Variants in DOCK2 observed in about 807,000 individuals in gnomAD.
DOCK2 encodes dedicator of cytokinesis 2.
A neutral mutation model predicts 248.9 loss-of-function variants in DOCK2; 87 were observed. The observed-to-expected ratio is 0.35, with a 90% confidence interval of 0.29 to 0.42. The LOEUF is 0.42. Ranked by LOEUF, DOCK2 falls within the 10% of genes least tolerant of loss-of-function variation. The pLI is 1.00. For missense variants in DOCK2, 1,747 were observed against 2,300.2 expected (o/e 0.76, Z 4.92); for synonymous variants, 805 against 821.6 (o/e 0.98, Z 0.35).
Position 170,077,815 on chromosome 5 carries a change from C to A in DOCK2, c.4972C>A (p.Pro1658Thr). The A allele has an allele frequency of 6.2e-7, 1 of 1,613,530 alleles. No individual in the cohort carries two copies. Among genetic ancestry groups the A allele is most frequent in the Non-Finnish European group, 8.5e-7 (1 of 1,179,948 alleles). The stretch of plus-strand genomic sequence containing the variant: ...TTCCATGAATTCTGACTGCAGCACC[C>A]CCAGCAAGCCTACCTCAGAGAGGTC... Reference protein sequence around the residue: ...LASMNSDCSTPSKPTSESFDL... With the variant: ...LASMNSDCSTTSKPTSESFDL... Residue 1658 changes from proline (P) to threonine (T), a missense_variant, in exon 48 of 52, where the codon CCC (proline) becomes ACC (threonine). This residue lies in a region of DOCK2 where 513 missense variants were observed against 586.1 expected (regional missense o/e 0.88). Coordinates refer to ENST00000520908, the MANE Select transcript of DOCK2 (RefSeq NM_004946.3).
At chr5:170,082,405 C>G (rs1490005060) in intron 51 of DOCK2, among the ~76,000 whole-genome samples, 1 of 152,188 alleles carries the variant, frequency 6.6e-6, no homozygotes, top group Admixed American at 6.5e-5. Flanking sequence ...AAGAAGGTAC[C>G]ATAACACATC....
chr5:170,055,570 A>G (rs1024830951), intron 42 of DOCK2, among the ~76,000 whole-genome samples, 184 bp downstream of exon 42: 6 of 152,372 alleles, frequency 3.9e-5, no homozygotes, highest in African/African-American at 1.4e-4. Flanking sequence ...TGCCCCTGAC[A>G]AGGCTGAAGC....
At chr5:169,711,081 A>G (rs1761557149) in intron 15 of DOCK2, among the ~76,000 whole-genome samples, 1 of 152,234 alleles carries the variant, frequency 6.6e-6, no homozygotes, top group Non-Finnish European at 1.5e-5. Flanking sequence ...TGCCTGAAAC[A>G]TAGACAGGAT....
At chr5:169,791,476 C>T (rs1400803792) in intron 25 of DOCK2, among the ~76,000 whole-genome samples, 1 of 152,146 alleles carries the variant, frequency 6.6e-6, no homozygotes, top group Non-Finnish European at 1.5e-5. Context: ...CTTATAAAAC[C>T]ACAACAAACA....
chr5:169,776,707 G>A (rs1209550339), intron 25 of DOCK2, among the ~76,000 whole-genome samples: 3 of 152,164 alleles, frequency 2.0e-5, no homozygotes, highest in South Asian at 4.1e-4. Context: ...CATGGCAGCA[G>A]TTTTCCCCAT....
At chr5:169,736,060 G>C (rs553878952) in intron 22 of DOCK2, among the ~76,000 whole-genome samples, 4 of 152,224 alleles carry the variant, frequency 2.6e-5, no homozygotes, top group African/African-American at 9.6e-5. Context: ...ACTGTCATGA[G>C]AACAGCAAGA....
intron 1 of DOCK2, among the ~76,000 whole-genome samples, chr5:169,641,534 G>C (rs748829079): frequency 5.3e-4 from 80 of 152,218 alleles, no homozygotes; most frequent in Non-Finnish European, 8.7e-4. Flanking sequence ...CAACGAAAAT[G>C]TGTGTGGTGT....
rs1051479543 is a variant in DOCK2 at position 169,696,021 on chromosome 5, A to T, written c.979+83A>T. 4 of 1,475,630 alleles carry T rather than the reference A, an allele frequency of 2.7e-6. No homozygotes were observed. In the South Asian group the frequency reaches 5.8e-5, roughly 21 times the overall value. The allele number at this position is 1,475,630 out of a possible 1,614,324, so 91.4% of individuals were successfully genotyped here. A position where few individuals can be genotyped will look rare whatever the true frequency, so the allele number is the denominator to read the frequency against. On this transcript the variant is annotated intron_variant, in intron 10 of 51. Transcript: ENST00000520908. The stretch of plus-strand genomic sequence containing the variant: ...AATTGTAATGATGATTTGTTTCCCA[A>T]CCGCCTCCTGCTGCCCCCACCCCTG...
chr5:170,021,017 T>G (rs760241538), intron 33 of DOCK2, among the ~76,000 whole-genome samples: 2 of 152,218 alleles, frequency 1.3e-5, no homozygotes, highest in Non-Finnish European at 2.9e-5. Context: ...TAATCTCACA[T>G]GGGAGAAAGT....
At chr5:170,027,744 A>G in intron 33 of DOCK2, 119 bp from the exon 34 acceptor site, 1 of 910,912 alleles carries the variant, frequency 1.1e-6, no homozygotes, top group Non-Finnish European at 1.7e-6. Context: ...CCCAGATCCC[A>G]GCACTCAACC....
At chr5:170,063,270 G>A (rs1757391819) in intron 44 of DOCK2, among the ~76,000 whole-genome samples, 1 of 152,128 alleles carries the variant, frequency 6.6e-6, no homozygotes, top group Admixed American at 6.5e-5. Flanking sequence ...TGCATTGAAT[G>A]TCCCAACTTT....
chr5:169,773,439 A>G (rs1298974369), intron 25 of DOCK2, among the ~76,000 whole-genome samples: 1 of 131,002 alleles, frequency 7.6e-6, no homozygotes, highest in Non-Finnish European at 1.7e-5. Context: ...AATAAACTCA[A>G]TAAACTCTTC....
At chr5:169,705,409 G>T (rs534932443) in intron 14 of DOCK2, among the ~76,000 whole-genome samples, 1 of 152,292 alleles carries the variant, frequency 6.6e-6, no homozygotes, top group East Asian at 1.9e-4. Flanking sequence ...GGAGGCAGGG[G>T]ATAGGGGAAG....
intron 12 of DOCK2, 128 bp downstream of exon 12, chr5:169,699,586 A>G: frequency 2.3e-6 from 2 of 873,420 alleles, no homozygotes; most frequent in Non-Finnish European, 3.4e-6. Flanking sequence ...ACTGGGAAGA[A>G]TGGGAACATA....
chr5:169,996,584 T>C (rs1754642822), intron 30 of DOCK2, among the ~76,000 whole-genome samples: 1 of 152,204 alleles, frequency 6.6e-6, no homozygotes, highest in Non-Finnish European at 1.5e-5. Flanking sequence ...TTGAAAGTCA[T>C]TTTTAGTGCT....
intron 27 of DOCK2, among the ~76,000 whole-genome samples, chr5:169,935,031 C>T (rs115612720): frequency 0.01 from 1,568 of 152,172 alleles, 22 homozygotes; most frequent in African/African-American, 0.036. Flanking sequence ...CTTGGGAAGG[C>T]GGGAAAATTA....
At chr5:169,805,313 G>A (rs1236821339) in intron 26 of DOCK2, among the ~76,000 whole-genome samples, 1 of 151,948 alleles carries the variant, frequency 6.6e-6, no homozygotes, top group African/African-American at 2.4e-5. Flanking sequence ...GAGGTGAGGG[G>A]ATTCCTTGAG....
intron 36 of DOCK2, among the ~76,000 whole-genome samples, chr5:170,039,717 C>T (rs1314942553): frequency 6.6e-6 from 1 of 152,206 alleles, no homozygotes; most frequent in Non-Finnish European, 1.5e-5. Flanking sequence ...TGCAGAAAGC[C>T]TTTTTCCCAA....
chr5:170,046,122 G>C (rs1184846035), intron 39 of DOCK2, among the ~76,000 whole-genome samples: 3 of 152,214 alleles, frequency 2.0e-5, no homozygotes. Context: ...TTCGGTGACA[G>C]CTCCTCAAAG....
Sources: allele counts gnomAD v4.1 joint callset (sites outside exome capture counted in the v4.1 genomes callset), GRCh38; gene constraint gnomAD v4.1.1; regional missense constraint gnomAD v4.1.1; transcripts MANE v1.5; gene names NCBI Gene and HGNC (gene_info 2026-07-23, HGNC 2026-07-21).